The following UNC5A variants were observed in gnomAD, a reference collection of about 807,000 sequenced individuals.
UNC5A encodes netrin receptor UNC5A.
Under a neutral mutation model 87.4 loss-of-function variants are expected in UNC5A, and 20 were observed. That is an observed-to-expected ratio of 0.23 (90% confidence interval 0.16 to 0.33). The LOEUF (loss-of-function observed/expected upper bound fraction) is 0.33. Among genes scored for constraint, UNC5A ranks in the 10% least tolerant of loss-of-function variants. The pLI is 1.00. For synonymous variants in UNC5A, 438 were observed against 482.3 expected (o/e 0.91, Z 1.20); for missense variants, 844 against 1,133.4 (o/e 0.74, Z 3.67).
rs560747721 is a variant in UNC5A, at chr5:176,819,838, T to A, written c.70+9018T>A. Among the ~76,000 whole-genome samples, 9 of 152,348 alleles carry A rather than the reference T, an allele frequency of 5.9e-5. No homozygotes were observed. The East Asian group carries it at 1.7e-3, about 29-fold the overall frequency. The stretch of plus-strand genomic sequence containing the variant: ...TGTCCACCAAGAAGGGTGGGCACAA[T>A]CATCCTCAGATGTCATCAGCACATT... On this transcript the variant is annotated intron_variant, in intron 1 of 14. Transcript: ENST00000329542.
In UNC5A at chr5:176,878,066, G is replaced by A. The variant is rs1285566162; in HGVS notation, c.1808G>A (p.Cys603Tyr). The change falls in exon 11 of 15, where the codon TGC (cysteine) becomes TAC (tyrosine). Residue 603 changes from cysteine (C) to tyrosine (Y), a missense_variant. Around this residue, in one of 3 missense-constraint regions of UNC5A, gnomAD observed 353 missense variants for 387.5 expected, o/e 0.91. Coordinates refer to ENST00000329542, the MANE Select transcript of UNC5A (RefSeq NM_133369.3). ...LKLLLFAPVA[C>Y]TSLEYNIRVY... Reference sequence around the variant, plus strand: ...CTGCTTCTGTTTGCGCCGGTGGCCTGCACCTCCCTCGAGTACAACATCCGG... The same window carrying A: ...CTGCTTCTGTTTGCGCCGGTGGCCTACACCTCCCTCGAGTACAACATCCGG... The A allele has an allele frequency of 2.5e-6, 4 of 1,609,860 alleles. No homozygotes were observed. In the Admixed American group the frequency reaches 5.0e-5, roughly 20 times the overall value.
At chr5:176,856,286 A>G (rs1757665672) in intron 1 of UNC5A, among the ~76,000 whole-genome samples, 2 of 152,226 alleles carry the variant, frequency 1.3e-5, no homozygotes, top group African/African-American at 4.8e-5. Flanking sequence ...TGAGCCTACA[A>G]GAGCAGCATG....
intron 10 of UNC5A, 40 bp from the exon 11 acceptor site, chr5:176,877,854 T>G (rs1758301966): frequency 6.4e-7 from 1 of 1,567,880 alleles, no homozygotes; most frequent in East Asian, 2.3e-5. Context: ...CCTAGGGCTC[T>G]GAGGCTGGGC....
intron 6 of UNC5A, among the ~76,000 whole-genome samples, chr5:176,873,186 C>T (rs146755445): frequency 0.025 from 3,760 of 151,700 alleles, 78 homozygotes; most frequent in East Asian, 0.081. Flanking sequence ...TTCCCATCTG[C>T]CCACACTCGC....
intron 1 of UNC5A, among the ~76,000 whole-genome samples, chr5:176,823,939 C>T (rs563250729): frequency 7.2e-5 from 11 of 152,318 alleles, no homozygotes; most frequent in Non-Finnish European, 1.3e-4. Flanking sequence ...CCTCCACCCT[C>T]CTTTGGCGAC....
intron 6 of UNC5A, 112 bp from the exon 7 acceptor site, chr5:176,873,856 A>G: frequency 3.6e-6 from 4 of 1,097,994 alleles, no homozygotes; most frequent in Non-Finnish European, 5.2e-6. Context: ...CTCCCTAGCT[A>G]GTGCAGATGC....
rs551324274 is a variant in UNC5A at position 176,875,403 on chromosome 5, C to T, written c.1378+837C>T. Among the ~76,000 whole-genome samples the T allele has an allele frequency of 2.5e-4, 38 of 152,128 alleles. No homozygotes were observed. Among genetic ancestry groups the T allele is most frequent in the Non-Finnish European group, 3.1e-4 (21 of 68,000 alleles). On this transcript the variant is annotated intron_variant, in intron 8 of 14. Transcript: ENST00000329542. This position sits in a 1 kb window ranked among gnomAD's most constrained non-coding sequence, Gnocchi z 5.2. Reference sequence around the variant, plus strand: ...CCCATTCCTGGCTTCCCCCAGTTCACGGATCGTCTAGTTGCTCAAGCCGGA... The same window carrying T: ...CCCATTCCTGGCTTCCCCCAGTTCATGGATCGTCTAGTTGCTCAAGCCGGA...
chr5:176,857,181 G>A (rs544718796), intron 1 of UNC5A, among the ~76,000 whole-genome samples: 68 of 152,330 alleles, frequency 4.5e-4, no homozygotes, highest in African/African-American at 1.5e-3. Context: ...TACCTTCTCT[G>A]CTGCACTTGG....
Position 176,874,490 on chromosome 5 carries a change from C to T in UNC5A, c.1302C>T (p.Ser434=). ...SRLSTQNYFR[S]LPRGTSNMTY... is the part of the protein sequence containing the mutation. The stretch of plus-strand genomic sequence containing the variant: ...TCTCCACCCAGAACTACTTCCGCTC[C>T]CTGCCCCGAGGCACCAGCAACATGA... The change falls in exon 8 of 15, where the codon TCC becomes TCT. Residue 434 remains serine (S), a synonymous_variant. Coordinates refer to ENST00000329542, the MANE Select transcript of UNC5A (RefSeq NM_133369.3). This position sits in a 1 kb window ranked among gnomAD's most constrained non-coding sequence, Gnocchi z 7.6. 1 of 1,611,390 alleles carries T rather than the reference C, an allele frequency of 6.2e-7. No individual in the cohort carries two copies. Among genetic ancestry groups the T allele is most frequent in the Non-Finnish European group, 8.5e-7 (1 of 1,178,486 alleles).
intron 1 of UNC5A, among the ~76,000 whole-genome samples, chr5:176,851,205 C>G (rs1257937112): frequency 6.6e-6 from 1 of 152,256 alleles, no homozygotes; most frequent in Non-Finnish European, 1.5e-5. Context: ...ATTGGTAATT[C>G]AAATTAGTTC....
chr5:176,846,687 T>C (rs1406923578), intron 1 of UNC5A, among the ~76,000 whole-genome samples: 2 of 152,144 alleles, frequency 1.3e-5, no homozygotes, highest in African/African-American at 4.8e-5. Context: ...GGGCGGGCTC[T>C]AGAGAGGGGC....
At chr5:176,863,626 C>T (rs542658512) in intron 2 of UNC5A, among the ~76,000 whole-genome samples, 131 of 151,922 alleles carry the variant, frequency 8.6e-4, no homozygotes, top group African/African-American at 3.1e-3. Flanking sequence ...GCACTGGGGA[C>T]GTGGGCAGAC....
Position 176,851,453 on chromosome 5 carries a change from A to G in UNC5A, c.71-11171A>G, listed in dbSNP as rs138554750. On this transcript the variant is annotated intron_variant, in intron 1 of 14. Coordinates refer to ENST00000329542, the MANE Select transcript of UNC5A (RefSeq NM_133369.3). ...CGGCCCCAGCTCTGGCGGGGCACACATTAAACCAGTGAGATATGAAATGCC... is the reference window on the plus strand; with the variant it reads ...CGGCCCCAGCTCTGGCGGGGCACACGTTAAACCAGTGAGATATGAAATGCC... Among the ~76,000 whole-genome samples, 1,265 of 152,312 alleles carry G rather than the reference A, an allele frequency of 8.3e-3. 22 individuals carry two copies. The highest frequency in any genetic ancestry group is 0.029 in the African/African-American group (1,210 of 41,568).
rs561367590 is a variant in UNC5A, at chr5:176,874,911, C to G, written c.1378+345C>G. 6.6e-6 allele frequency among the ~76,000 whole-genome samples: 1 copy of G among 152,210 alleles called. No individual in the cohort carries two copies. Among genetic ancestry groups the G allele is most frequent in the Non-Finnish European group, 1.5e-5 (1 of 68,032 alleles). On this transcript the variant is annotated intron_variant, in intron 8 of 14. Transcript: ENST00000329542. This position sits in a 1 kb window ranked among gnomAD's most constrained non-coding sequence, Gnocchi z 7.6. ...ACAACCAAGGGCAAACAGATGAGCA[C>G]GGGCCTGGGCAGAGGCCATCCTGGA... is the stretch of plus-strand genomic sequence containing the variant.
intron 1 of UNC5A, among the ~76,000 whole-genome samples, chr5:176,833,810 G>A (rs1255338345): frequency 6.6e-6 from 1 of 151,308 alleles, no homozygotes; most frequent in Non-Finnish European, 1.5e-5. Context: ...CTGGGTTCGC[G>A]CCATTTTCCT....
intron 1 of UNC5A, among the ~76,000 whole-genome samples, chr5:176,851,978 C>T (rs1057321672): frequency 2.0e-5 from 3 of 152,226 alleles, no homozygotes; most frequent in Non-Finnish European, 4.4e-5. Flanking sequence ...GCTAGTCATC[C>T]CGTCTCTGAA....
intron 1 of UNC5A, among the ~76,000 whole-genome samples, chr5:176,822,894 G>C (rs898656423): frequency 7.9e-5 from 12 of 152,202 alleles, no homozygotes; most frequent in Admixed American, 6.5e-5. Context: ...CGGTGCCTGT[G>C]GGGTGCCAGC....
In UNC5A at chr5:176,843,936, G is replaced by A. The variant is rs1382802316; in HGVS notation, c.71-18688G>A. On this transcript the variant is annotated intron_variant, in intron 1 of 14. Transcript: ENST00000329542. ...GGAGTCTGCTTTCCTCCCGCTGATC[G>A]TGTGAGGCGCTCAGCGACACGTTAG... Among the ~76,000 whole-genome samples, 22 of 152,382 alleles carry A rather than the reference G, an allele frequency of 1.4e-4. No homozygotes were observed. The East Asian group carries it at 3.9e-3, about 27-fold the overall frequency.
At position 176,868,598 on chromosome 5, in the gene UNC5A, G is replaced by A; in HGVS notation, c.474G>A (p.Lys158=). The change falls in exon 4 of 15, where the codon AAG becomes AAA. Residue 158 remains lysine, a synonymous_variant. Coordinates refer to ENST00000329542, the MANE Select transcript of UNC5A (RefSeq NM_133369.3). ...ACTTCGAGCAGGAGCCGCTGGCCAA[G>A]GAGGTGTCCCTGGAGCAGGGCATCG... ...RKNFEQEPLA[K]EVSLEQGIVL... 1 of 1,607,224 alleles carries A rather than the reference G, an allele frequency of 6.2e-7. No individual in the cohort carries two copies. Among genetic ancestry groups the A allele is most frequent in the African/African-American group, 1.3e-5 (1 of 74,978 alleles).
Sources: allele counts gnomAD v4.1 joint callset (sites outside exome capture counted in the v4.1 genomes callset), GRCh38; gene constraint gnomAD v4.1.1; regional missense constraint gnomAD v4.1.1; non-coding constraint Gnocchi (gnomAD v3.1); transcripts MANE v1.5; gene names NCBI Gene and HGNC (gene_info 2026-07-23, HGNC 2026-07-21).